FCHSD2: variants seen among roughly 807,000 people sequenced by gnomAD.
FCHSD2 encodes F-BAR and double SH3 domains protein 2.
Under a neutral mutation model 108.1 loss-of-function variants are expected in FCHSD2, and 38 were observed. That is an observed-to-expected ratio of 0.35 (90% confidence interval 0.27 to 0.46). The LOEUF (loss-of-function observed/expected upper bound fraction) is 0.46, where lower values mean the gene tolerates loss of function less well. Among genes scored for constraint, FCHSD2 ranks in the 20% least tolerant of loss-of-function variants. The pLI is 1.00. For missense variants in FCHSD2, 751 were observed against 897.8 expected (o/e 0.84, Z 2.09); for synonymous variants, 279 against 314.7 (o/e 0.89, Z 1.20).
At chr11:73,115,208 G>C (rs901949662) in intron 2 of FCHSD2, among the ~76,000 whole-genome samples, 22 of 152,180 alleles carry the variant, frequency 1.4e-4, no homozygotes, top group African/African-American at 5.3e-4. Flanking sequence ...CGACAGAACA[G>C]CACTGAGTTC....
chr11:73,123,091 C>CTA (rs1483403996), intron 2 of FCHSD2, among the ~76,000 whole-genome samples: 1 of 152,006 alleles, frequency 6.6e-6, no homozygotes, highest in Admixed American at 6.6e-5. Context: ...TTAACATGAA[C>CTA]TATATATACA....
intron 9 of FCHSD2, among the ~76,000 whole-genome samples, chr11:72,914,794 T>C (rs796436291): frequency 7.2e-5 from 11 of 152,186 alleles, no homozygotes; most frequent in African/African-American, 2.6e-4. Flanking sequence ...GAGGAAAACC[T>C]AGGCAATACC....
At chr11:72,985,156 T>C (rs980887233) in intron 6 of FCHSD2, 40 bp from the exon 7 acceptor site, 1 of 561,194 alleles carries the variant, frequency 1.8e-6, no homozygotes, top group Non-Finnish European at 3.0e-6. Context: ...TAAAATCATC[T>C]AATTATATCA....
chr11:72,919,133 T>A (rs542729908), intron 9 of FCHSD2, among the ~76,000 whole-genome samples: 32 of 152,176 alleles, frequency 2.1e-4, no homozygotes, highest in Middle Eastern at 6.8e-3. Flanking sequence ...ATAAAAAAAA[T>A]CTAAAAAGTG....
At chr11:73,135,311 T>A (rs546624649) in intron 2 of FCHSD2, among the ~76,000 whole-genome samples, 1 of 152,196 alleles carries the variant, frequency 6.6e-6, no homozygotes, top group Non-Finnish European at 1.5e-5. Context: ...ACAATATAAT[T>A]CACTTCATTT....
rs7131604 is a variant in FCHSD2, at chr11:72,947,987, T to G, written c.706-26037A>C. On this transcript the variant is annotated intron_variant, in intron 8 of 19. Coordinates refer to ENST00000409418, the MANE Select transcript of FCHSD2 (RefSeq NM_014824.3). ...TAATTTTTATGACATCGTTTGGGTA[T>G]CATACATTTTTTGTTTGTCTGTTTT... Among the ~76,000 whole-genome samples, 767 of 152,298 alleles carry G rather than the reference T, an allele frequency of 5.0e-3. 5 individuals are homozygous for G. Among genetic ancestry groups the G allele is most frequent in the African/African-American group, 0.018 (745 of 41,558 alleles).
chr11:72,969,190 A>C (rs1856966289), intron 8 of FCHSD2, among the ~76,000 whole-genome samples: 1 of 152,222 alleles, frequency 6.6e-6, no homozygotes, highest in Non-Finnish European at 1.5e-5. Flanking sequence ...AATCAGTGTT[A>C]ACAGTCTACC....
chr11:72,992,236 C>G (rs1297391684), intron 5 of FCHSD2, among the ~76,000 whole-genome samples: 1 of 152,148 alleles, frequency 6.6e-6, no homozygotes, highest in Non-Finnish European at 1.5e-5. Context: ...AGGAGAACTA[C>G]AAACCACTGC....
intron 1 of FCHSD2, 24 bp from the exon 2 acceptor site, chr11:73,140,152 A>G: frequency 7.2e-7 from 1 of 1,389,354 alleles, no homozygotes; most frequent in Non-Finnish European, 9.8e-7. Context: ...TATATTTATG[A>G]AGGTCTTTTT....
intron 8 of FCHSD2, among the ~76,000 whole-genome samples, chr11:72,982,759 T>C (rs1857237292): frequency 6.6e-6 from 1 of 152,206 alleles, no homozygotes; most frequent in African/African-American, 2.4e-5. Flanking sequence ...GAACATACTC[T>C]TTTGTTTGTC....
chr11:73,080,135 C>A (rs1859647176), intron 3 of FCHSD2, among the ~76,000 whole-genome samples: 1 of 151,208 alleles, frequency 6.6e-6, no homozygotes, highest in Non-Finnish European at 1.5e-5. Context: ...CCTGTCCCTA[C>A]AAAATAAAAA....
rs58159831 is a variant in FCHSD2 at position 72,896,764 on chromosome 11, T to TAA, written c.924+5777_924+5778dup. 2.2e-3 allele frequency among the ~76,000 whole-genome samples: 152 copies of TAA among 68,408 alleles called. 1 individual carries two copies. Among genetic ancestry groups the TAA allele is most frequent in the Middle Eastern group, 0.016 (1 of 64 alleles). The allele number at this position is 68,408 out of a possible 152,430, so 44.9% of individuals were successfully genotyped here. On this transcript the variant is annotated intron_variant, in intron 10 of 19. Transcript: ENST00000409418. ...CCTGTAGCAATTAGGGGGAAAATACTAAAAAAAAAAAAAAAAAAAAAAAAA... is the reference window on the plus strand; with the variant it reads ...CCTGTAGCAATTAGGGGGAAAATACTAAAAAAAAAAAAAAAAAAAAAAAAAAA...
intron 9 of FCHSD2, among the ~76,000 whole-genome samples, chr11:72,917,624 GC>G (rs1345839950): frequency 1.3e-5 from 2 of 152,116 alleles, no homozygotes; most frequent in Non-Finnish European, 2.9e-5. Flanking sequence ...AGTGGCTGAC[GC>G]CTGTAATCCC....
chr11:73,122,626 G>C (rs148983701), intron 2 of FCHSD2, among the ~76,000 whole-genome samples: 1 of 152,298 alleles, frequency 6.6e-6, no homozygotes, highest in East Asian at 1.9e-4. Flanking sequence ...GAGGGAAAAA[G>C]AAGGGGACAG....
chr11:72,859,875 G>A (rs971223262), intron 13 of FCHSD2, among the ~76,000 whole-genome samples: 2 of 152,120 alleles, frequency 1.3e-5, no homozygotes, highest in Non-Finnish European at 2.9e-5. Flanking sequence ...TAAGGCACAG[G>A]GCACCCAGTA....
chr11:73,041,876 G>A (rs1366793808), intron 3 of FCHSD2, among the ~76,000 whole-genome samples: 1 of 152,110 alleles, frequency 6.6e-6, no homozygotes, highest in African/African-American at 2.4e-5. Flanking sequence ...TATGTCAGTA[G>A]TTTTATAGTT....
chr11:72,851,046 C>CAAGA (rs1360600822), intron 13 of FCHSD2, among the ~76,000 whole-genome samples: 5 of 121,434 alleles, frequency 4.1e-5, no homozygotes, highest in African/African-American at 1.6e-4. Flanking sequence ...CTAAGTGAGC[C>CAAGA]AAGAAAGATT....
intron 13 of FCHSD2, among the ~76,000 whole-genome samples, chr11:72,864,806 G>C (rs1187310506): frequency 6.6e-6 from 1 of 152,178 alleles, no homozygotes; most frequent in African/African-American, 2.4e-5. Context: ...AAGAGAAGCA[G>C]GATGATAAGA....
At chr11:72,915,823 CA>C (rs1396349991) in intron 9 of FCHSD2, among the ~76,000 whole-genome samples, 1 of 151,590 alleles carries the variant, frequency 6.6e-6, no homozygotes, top group Non-Finnish European at 1.5e-5. Context: ...GCCTCAAAAA[CA>C]AAAAACAAAA....
Sources: allele counts gnomAD v4.1 joint callset (sites outside exome capture counted in the v4.1 genomes callset), GRCh38; gene constraint gnomAD v4.1.1; transcripts MANE v1.5; gene names NCBI Gene and HGNC (gene_info 2026-07-23, HGNC 2026-07-21).